Variants in SPHKAP observed in about 807,000 individuals in gnomAD.
SPHKAP encodes the protein SPHK1 interactor, AKAP domain containing, also known as A-kinase anchor protein SPHKAP.
SPHKAP carries 67 observed loss-of-function variants against 137.5 expected under a neutral mutation model. The ratio of observed to expected loss-of-function variants is 0.49; its 90% CI spans 0.40 to 0.60. The LOEUF (loss-of-function observed/expected upper bound fraction) is 0.60. Among genes scored for constraint, SPHKAP ranks in the 20% least tolerant of loss-of-function variants. The probability of loss-of-function intolerance (pLI) is 0.00; values close to 1 mark genes in which losing one functional copy is unlikely to be tolerated. For missense variants in SPHKAP, 2,097 were observed against 2,069.3 expected (o/e 1.01, Z -0.26); for synonymous variants, 813 against 785.3 (o/e 1.04, Z -0.59).
At chr2:228,003,571 T>C (rs1574731279) in intron 7 of SPHKAP, among the ~76,000 whole-genome samples, 3 of 152,226 alleles carry the variant, frequency 2.0e-5, no homozygotes, top group Non-Finnish European at 2.9e-5. Context: ...CCCTGCCCGA[T>C]TGCCCTGTCC....
At chr2:228,164,410 T>C (rs1406894347) in intron 1 of SPHKAP, among the ~76,000 whole-genome samples, 1 of 152,240 alleles carries the variant, frequency 6.6e-6, no homozygotes, top group Non-Finnish European at 1.5e-5. Flanking sequence ...CTTTCATGTA[T>C]ACATATGTCC....
chr2:228,002,632 A>C (rs1370155531), intron 7 of SPHKAP, among the ~76,000 whole-genome samples: 3 of 152,284 alleles, frequency 2.0e-5, no homozygotes, highest in Admixed American at 6.5e-5. Flanking sequence ...TTAGACATGA[A>C]GTCCTTGCCC....
intron 3 of SPHKAP, among the ~76,000 whole-genome samples, chr2:228,048,635 C>T (rs1291891359): frequency 1.3e-5 from 2 of 152,076 alleles, no homozygotes; most frequent in Non-Finnish European, 2.9e-5. Flanking sequence ...CAAATACTTA[C>T]CATTGTGTTA....
chr2:228,033,720 G>T (rs533554496), intron 3 of SPHKAP, among the ~76,000 whole-genome samples: 5 of 152,180 alleles, frequency 3.3e-5, no homozygotes, highest in African/African-American at 1.2e-4. Flanking sequence ...TCAGGACTAA[G>T]AAACTCACTC....
chr2:227,993,529 C>T lies in SPHKAP; in HGVS notation c.4721+5G>A. On this transcript the variant is annotated splice_donor_5th_base_variant and intron_variant, in intron 9 of 11. Coordinates refer to ENST00000392056, the MANE Select transcript of SPHKAP (RefSeq NM_001142644.2). The stretch of plus-strand genomic sequence containing the variant: ...CACAATCACTGCATCTCAGTGGCTA[C>T]TTACTTAATCATGGGAGAAGATGGC... 1 of 1,596,318 alleles carries T rather than the reference C, an allele frequency of 6.3e-7. No individual in the cohort carries two copies. Among genetic ancestry groups the T allele is most frequent in the Non-Finnish European group, 8.5e-7 (1 of 1,171,158 alleles).
chr2:228,028,175 T>A (rs1038067559), intron 3 of SPHKAP: 1 of 497,226 alleles, frequency 2.0e-6, no homozygotes, highest in African/African-American at 2.1e-5. Context: ...TCAGATCTCA[T>A]GAAATAGGAA....
chr2:228,166,548 T>C (rs887337193), intron 1 of SPHKAP, among the ~76,000 whole-genome samples: 1 of 152,200 alleles, frequency 6.6e-6, no homozygotes, highest in African/African-American at 2.4e-5. Context: ...ATGCCAGTCT[T>C]ATATAATTAA....
chr2:228,122,996 G>C (rs1431305229), intron 2 of SPHKAP, among the ~76,000 whole-genome samples: 2 of 152,092 alleles, frequency 1.3e-5, no homozygotes, highest in African/African-American at 2.4e-5. Context: ...CGGCCAAAGA[G>C]TCCTCCTGAT....
intron 3 of SPHKAP, among the ~76,000 whole-genome samples, chr2:228,042,033 A>G (rs1344325842): frequency 6.6e-6 from 1 of 152,162 alleles, no homozygotes; most frequent in Non-Finnish European, 1.5e-5. Context: ...AGTGGAAATT[A>G]AAGGGCCCAA....
intron 1 of SPHKAP, among the ~76,000 whole-genome samples, chr2:228,174,302 C>G (rs537766982): frequency 1.4e-4 from 21 of 148,856 alleles, no homozygotes; most frequent in Middle Eastern, 3.4e-3. Context: ...TAGGCAGGAA[C>G]CTTTTTTTTT....
At chr2:228,004,242 T>A (rs1168672321) in intron 7 of SPHKAP, among the ~76,000 whole-genome samples, 2 of 152,172 alleles carry the variant, frequency 1.3e-5, no homozygotes, top group African/African-American at 4.8e-5. Flanking sequence ...TTTCAGAGCC[T>A]GTTATTGGTC....
chr2:228,134,016 C>T lies in SPHKAP; in HGVS notation c.33-1931G>A, dbSNP rs1699350360. On this transcript the variant is annotated intron_variant, in intron 1 of 11. Transcript: ENST00000392056. The stretch of plus-strand genomic sequence containing the variant: ...TAACACCCATATTATCTTTGCTTAG[C>T]TGAGGAAAGATAAAAGAAAGGAAGG... Among the ~76,000 whole-genome samples the T allele has an allele frequency of 2.0e-5, 3 of 147,232 alleles. No individual in the cohort carries two copies. In the Admixed American group the frequency reaches 2.1e-4, roughly 10 times the overall value.
chr2:227,989,599 A>G (rs1280835397), intron 11 of SPHKAP, among the ~76,000 whole-genome samples: 2 of 152,068 alleles, frequency 1.3e-5, no homozygotes, highest in African/African-American at 2.4e-5. Flanking sequence ...AGGTGATTAT[A>G]ATCTAATCAC....
intron 7 of SPHKAP, among the ~76,000 whole-genome samples, chr2:228,015,617 T>C (rs1298521589): frequency 6.6e-6 from 1 of 152,192 alleles, no homozygotes; most frequent in Non-Finnish European, 1.5e-5. Flanking sequence ...GAGAAATTAT[T>C]ACCTTGCGTC....
At chr2:228,113,624 T>A (rs912734668) in intron 2 of SPHKAP, among the ~76,000 whole-genome samples, 1 of 144,302 alleles carries the variant, frequency 6.9e-6, no homozygotes, top group African/African-American at 2.8e-5. Flanking sequence ...TCTCTCTCTC[T>A]CTCTCTCTCT....
chr2:228,162,549 A>G (rs1434581589), intron 1 of SPHKAP, among the ~76,000 whole-genome samples: 2 of 152,220 alleles, frequency 1.3e-5, no homozygotes, highest in Admixed American at 6.5e-5. Flanking sequence ...AAAGTGTTCA[A>G]TGAAATTAGT....
chr2:228,005,816 T>C (rs951688556), intron 7 of SPHKAP, among the ~76,000 whole-genome samples: 2 of 152,222 alleles, frequency 1.3e-5, no homozygotes, highest in Non-Finnish European at 2.9e-5. Context: ...TGAAGCTTAG[T>C]TTGGCTGGAT....
intron 7 of SPHKAP, among the ~76,000 whole-genome samples, chr2:228,010,414 C>T (rs1026609962): frequency 6.6e-6 from 1 of 152,158 alleles, no homozygotes. Context: ...TGCCTGTAGT[C>T]CCAGCTACTC....
chr2:228,068,419 C>A (rs1696899061), intron 3 of SPHKAP, among the ~76,000 whole-genome samples: 1 of 150,522 alleles, frequency 6.6e-6, no homozygotes, highest in South Asian at 2.1e-4. Context: ...ACCAGAAGAA[C>A]AAAAGCCATC....
Sources: allele counts gnomAD v4.1 joint callset (sites outside exome capture counted in the v4.1 genomes callset), GRCh38; gene constraint gnomAD v4.1.1; transcripts MANE v1.5; gene names NCBI Gene and HGNC (gene_info 2026-07-23, HGNC 2026-07-21).